The following RARB variants were observed in gnomAD, a reference collection of about 807,000 sequenced individuals.
RARB encodes retinoic acid receptor beta.
Under a neutral mutation model 51.9 loss-of-function variants are expected in RARB, and 17 were observed. The ratio of observed to expected loss-of-function variants is 0.33; its 90% CI spans 0.22 to 0.49. RARB has a LOEUF of 0.49. RARB is among the 20% of genes least tolerant of loss of function. The probability of loss-of-function intolerance (pLI) is 0.99; values close to 1 mark genes in which losing one functional copy is unlikely to be tolerated. For missense variants in RARB, 369 were observed against 550.8 expected, an observed-to-expected ratio of 0.67 and a Z score of 3.30; for synonymous variants, 215 against 195.4, an observed-to-expected ratio of 1.10 and a Z score of -0.84.
intron 5 of RARB, among the ~76,000 whole-genome samples, chr3:25,215,028 A>T (rs1701793155): frequency 6.6e-6 from 1 of 152,218 alleles, no homozygotes; most frequent in African/African-American, 2.4e-5. Flanking sequence ...TGGAAAATCG[A>T]TGAAGACATA....
intron 5 of RARB, among the ~76,000 whole-genome samples, chr3:25,382,000 C>T (rs903501685): frequency 1.3e-5 from 2 of 152,172 alleles, no homozygotes; most frequent in Non-Finnish European, 2.9e-5. Flanking sequence ...GTAAAGTCCA[C>T]GTTGTCATCT....
intron 2 of RARB, among the ~76,000 whole-genome samples, chr3:25,024,394 T>C (rs751509882): frequency 8.5e-5 from 13 of 152,172 alleles, no homozygotes; most frequent in Non-Finnish European, 1.9e-4. Context: ...GGAGATACAA[T>C]TGTGTTGTGC....
At chr3:25,078,915 A>G (rs909690851) in intron 3 of RARB, among the ~76,000 whole-genome samples, 3 of 152,118 alleles carry the variant, frequency 2.0e-5, no homozygotes, top group Non-Finnish European at 2.9e-5. Flanking sequence ...AGCTTGTCGA[A>G]CTCTACAAAG....
Position 25,143,210 on chromosome 3 carries a change from A to G in RARB, c.-280+11002A>G, listed in dbSNP as rs78627402. Among the ~76,000 whole-genome samples the G allele has an allele frequency of 1.4e-3, 209 of 152,272 alleles. 1 individual carries two copies. Among genetic ancestry groups the G allele is most frequent in the South Asian group, 6.0e-3 (29 of 4,824 alleles). ...GTCTCTCAGAGTTTGTAATTTAGCT[A>G]GCAGCTGCTAGCAGCTGGTAACACG... On this transcript the variant is annotated intron_variant, in intron 4 of 11. Coordinates refer to the RARB transcript ENST00000383772.
Position 25,572,520 on chromosome 3 carries a change from T to C in RARB, c.609+2602T>C, listed in dbSNP as rs114940219. On this transcript the variant is annotated intron_variant, in intron 4 of 7. Transcript: ENST00000330688. ...AGTGGTCAGAGGTGAGACTTGAACC[T>C]AAACAGTCTGACTCCAGGGCAGCTC... 5.9e-3 allele frequency among the ~76,000 whole-genome samples: 899 copies of C among 152,244 alleles called. 9 individuals carry two copies. Among genetic ancestry groups the C allele is most frequent in the African/African-American group, 0.021 (862 of 41,548 alleles).
chr3:25,551,104 G>A (rs1050783798), intron 3 of RARB, among the ~76,000 whole-genome samples: 3 of 152,154 alleles, frequency 2.0e-5, no homozygotes, highest in African/African-American at 7.2e-5. Context: ...TTGAAGGCTT[G>A]AAGGGCAGGG....
At chr3:25,068,275 C>T (rs974809696) in intron 3 of RARB, among the ~76,000 whole-genome samples, 4 of 147,954 alleles carry the variant, frequency 2.7e-5, no homozygotes, top group South Asian at 2.3e-4. Context: ...TCATCTGCTT[C>T]TCTCTTCCTC....
At chr3:25,540,945 A>C in intron 3 of RARB, among the ~76,000 whole-genome samples, 1 of 142,632 alleles carries the variant, frequency 7.0e-6, no homozygotes, top group South Asian at 2.2e-4. Flanking sequence ...TTCTACCCCA[A>C]CCACTCTGCA....
chr3:25,159,187 G>T (rs2125345513), intron 4 of RARB, among the ~76,000 whole-genome samples: 1 of 102,602 alleles, frequency 9.7e-6, no homozygotes, highest in Admixed American at 1.0e-4. Context: ...TTTTGAGATG[G>T]AGTTTTGCTT....
At chr3:25,114,115 G>A (rs1376822425) in intron 3 of RARB, among the ~76,000 whole-genome samples, 1 of 152,188 alleles carries the variant, frequency 6.6e-6, no homozygotes, top group Non-Finnish European at 1.5e-5. Context: ...CTCACTATTT[G>A]TAAGGAGAGG....
chr3:25,510,313 G>T (rs773308483), intron 3 of RARB, among the ~76,000 whole-genome samples: 1 of 152,066 alleles, frequency 6.6e-6, no homozygotes, highest in African/African-American at 2.4e-5. Context: ...ACCTGTATTC[G>T]CTCCCACATC....
intron 2 of RARB, among the ~76,000 whole-genome samples, chr3:24,872,684 G>A (rs539257686): frequency 6.6e-6 from 1 of 152,158 alleles, no homozygotes; most frequent in Admixed American, 6.5e-5. Flanking sequence ...ACCACAGGGA[G>A]GGCACCAAGC....
At chr3:25,121,061 G>A (rs1699776541) in intron 3 of RARB, among the ~76,000 whole-genome samples, 2 of 152,152 alleles carry the variant, frequency 1.3e-5, no homozygotes, top group Admixed American at 1.3e-4. Flanking sequence ...CAGAAGTATG[G>A]ATGCTTGAAT....
chr3:25,414,063 G>A (rs1226187252), intron 5 of RARB, among the ~76,000 whole-genome samples: 1 of 94,152 alleles, frequency 1.1e-5, no homozygotes, highest in African/African-American at 4.7e-5. Context: ...TTGCCCTCCT[G>A]TCGCTCCCTT....
chr3:25,203,674 T>C (rs1701454987), intron 5 of RARB, among the ~76,000 whole-genome samples: 3 of 152,236 alleles, frequency 2.0e-5, no homozygotes, highest in African/African-American at 7.2e-5. Flanking sequence ...AGGATTTTAT[T>C]TCCCCTTCAC....
intron 3 of RARB, among the ~76,000 whole-genome samples, chr3:25,079,093 TGA>T (rs991132202): frequency 1.3e-5 from 2 of 152,148 alleles, no homozygotes; most frequent in African/African-American, 4.8e-5. Flanking sequence ...TTTTCAGTGT[TGA>T]CGCTTACACA....
intron 2 of RARB, among the ~76,000 whole-genome samples, chr3:24,889,762 G>A (rs1181961234): frequency 6.6e-6 from 1 of 150,696 alleles, no homozygotes; most frequent in Non-Finnish European, 1.5e-5. Flanking sequence ...TAAAGTATGT[G>A]AGTATGTGTT....
In RARB at chr3:25,396,092, G is replaced by A. The variant is rs1559384062; in HGVS notation, c.179-65101G>A. 2.0e-5 allele frequency among the ~76,000 whole-genome samples: 3 copies of A among 152,174 alleles called. No homozygotes were observed. In the South Asian group the frequency reaches 6.2e-4, roughly 32 times the overall value. On this transcript the variant is annotated intron_variant, in intron 5 of 11. Transcript: ENST00000383772. Reference sequence around the variant, plus strand: ...TTCTCCCCCTTCCCCTAGGGATGTGGCTTCCTAAGAACCAGACTGTAGTGA... The same window carrying A: ...TTCTCCCCCTTCCCCTAGGGATGTGACTTCCTAAGAACCAGACTGTAGTGA...
At chr3:25,080,143 G>C (rs1698964857) in intron 3 of RARB, among the ~76,000 whole-genome samples, 1 of 152,094 alleles carries the variant, frequency 6.6e-6, no homozygotes, top group African/African-American at 2.4e-5. Context: ...TTGTCTCCAC[G>C]AATTTGCCTG....
Sources: gnomAD v4.1 joint callset for allele counts (sites outside exome capture counted in the v4.1 genomes callset) on GRCh38, gnomAD v4.1.1 for gene constraint, MANE v1.5 for transcripts, NCBI Gene and HGNC (gene_info 2026-07-23, HGNC 2026-07-21) for gene names.